The following FOXN3 variants were observed in gnomAD, a reference collection of about 807,000 sequenced individuals.
FOXN3 encodes the protein forkhead box protein N3.
Under a neutral mutation model 38.4 loss-of-function variants are expected in FOXN3, and 7 were observed. The ratio of observed to expected loss-of-function variants is 0.18; its 90% CI spans 0.10 to 0.34. The LOEUF is 0.34. Among genes scored for constraint, FOXN3 ranks in the 10% least tolerant of loss-of-function variants. FOXN3 has a pLI of 1.00. For synonymous variants in FOXN3, 230 were observed against 242.2 expected, an observed-to-expected ratio of 0.95 and a Z score of 0.47; for missense variants, 456 against 613.4, an observed-to-expected ratio of 0.74 and a Z score of 2.71.
chr14:89,212,213 G>T (rs1253735989), intron 4 of FOXN3, among the ~76,000 whole-genome samples: 1 of 152,226 alleles, frequency 6.6e-6, no homozygotes, highest in Non-Finnish European at 1.5e-5. Flanking sequence ...AGCTGGAATA[G>T]AATAAGACAT....
rs149140973 is a variant in FOXN3 at position 89,394,546 on chromosome 14, A to T, written c.543+17388T>A. ...CATGAAGTTTGGGGGACACATTCAA[A>T]CCACAGCAGGAGTTTAGTAAAGCTT... On this transcript the variant is annotated intron_variant, in intron 2 of 5. Transcript: ENST00000557258. Among the ~76,000 whole-genome samples, 479 of 152,148 alleles carry T rather than the reference A, an allele frequency of 3.1e-3. 2 individuals carry two copies. The highest frequency in any genetic ancestry group is 0.011 in the African/African-American group (465 of 41,508).
intron 4 of FOXN3, among the ~76,000 whole-genome samples, chr14:89,255,462 G>T (rs2139884704): frequency 6.6e-6 from 1 of 151,098 alleles, no homozygotes; most frequent in Non-Finnish European, 1.5e-5. Flanking sequence ...ACAGTACTAG[G>T]CTCTAGGAAT....
At chr14:89,208,661 T>C (rs1209920593) in intron 4 of FOXN3, among the ~76,000 whole-genome samples, 1 of 152,160 alleles carries the variant, frequency 6.6e-6, no homozygotes, top group Non-Finnish European at 1.5e-5. Context: ...GACTGAACTG[T>C]CTGTGGGGAA....
intron 1 of FOXN3, among the ~76,000 whole-genome samples, chr14:89,509,323 T>TTTG (rs869244085): frequency 1.2e-5 from 1 of 82,842 alleles, no homozygotes; most frequent in Non-Finnish European, 3.9e-5. Context: ...TACAGTTTTT[T>TTTG]TTGTTGTTGT....
At chr14:89,474,085 T>C (rs1893162782) in intron 1 of FOXN3, among the ~76,000 whole-genome samples, 1 of 152,246 alleles carries the variant, frequency 6.6e-6, no homozygotes, top group Non-Finnish European at 1.5e-5. Context: ...CAGACACAGA[T>C]GCTGTTTACA....
At chr14:89,534,256 C>T (rs1317122187) in intron 1 of FOXN3, among the ~76,000 whole-genome samples, 3 of 151,798 alleles carry the variant, frequency 2.0e-5, no homozygotes, top group African/African-American at 7.3e-5. Flanking sequence ...CAGGTGCGCA[C>T]CACCACACCC....
At chr14:89,169,262 A>G (rs1203621872) in intron 5 of FOXN3, among the ~76,000 whole-genome samples, 1 of 152,000 alleles carries the variant, frequency 6.6e-6, no homozygotes, top group Non-Finnish European at 1.5e-5. Flanking sequence ...GCAACATGGT[A>G]AAACCCCATC....
chr14:89,468,309 C>T (rs1893023315), intron 1 of FOXN3, among the ~76,000 whole-genome samples: 1 of 152,018 alleles, frequency 6.6e-6, no homozygotes, highest in Non-Finnish European at 1.5e-5. Context: ...CAAAAATTAG[C>T]CAGGCATGGT....
rs1887124285 is a variant in FOXN3, at chr14:89,162,308, CAAGAAAA to C, written c.*99_*105del. On this transcript the variant is annotated 3_prime_UTR_variant, in exon 6 of 6. Transcript: ENST00000557258. The surrounding 1 kb of genome is among the most constrained non-coding windows in gnomAD (Gnocchi z 7.2). ...AAAAGAAAGAAAACCAAACCAAAAA[CAAGAAAA>C]AAGAAAAAAAATTGCTGATATTGCC... 1.0e-6 allele frequency: 1 copy of C among 967,706 alleles called. No individual in the cohort carries two copies. Among genetic ancestry groups the C allele is most frequent in the Non-Finnish European group, 1.5e-6 (1 of 681,046 alleles). 59.9% of individuals were successfully genotyped at this position (967,706 alleles called of 1,614,324 possible).
At chr14:89,180,953 T>A in intron 4 of FOXN3, 147 bp from the exon 5 acceptor site, 1 of 467,320 alleles carries the variant, frequency 2.1e-6, no homozygotes, top group Admixed American at 3.7e-5. Flanking sequence ...CACGTGCACA[T>A]ACACACACAC....
intron 1 of FOXN3, among the ~76,000 whole-genome samples, chr14:89,486,121 C>T (rs1647627514): frequency 1.3e-5 from 2 of 152,296 alleles, no homozygotes; most frequent in South Asian, 4.1e-4. Flanking sequence ...CAGCCTTCTA[C>T]TTTTTCATCC....
chr14:89,202,622 G>A (rs1163452968), intron 4 of FOXN3, among the ~76,000 whole-genome samples: 1 of 152,174 alleles, frequency 6.6e-6, no homozygotes, highest in African/African-American at 2.4e-5. Flanking sequence ...GCTCAGAGCT[G>A]TCCTTGTGGT....
chr14:89,595,294 C>T (rs1896035618), intron 1 of FOXN3, among the ~76,000 whole-genome samples: 1 of 151,670 alleles, frequency 6.6e-6, no homozygotes, highest in South Asian at 2.1e-4. Flanking sequence ...CACTGCACTC[C>T]AGCCTGGGCA....
intron 1 of FOXN3, among the ~76,000 whole-genome samples, chr14:89,543,233 T>A (rs1224534653): frequency 6.6e-6 from 1 of 152,066 alleles, no homozygotes; most frequent in Non-Finnish European, 1.5e-5. Flanking sequence ...TCTTCTCTGC[T>A]CCCCCTTCAA....
intron 1 of FOXN3, among the ~76,000 whole-genome samples, chr14:89,426,274 G>T (rs962461990): frequency 1.4e-5 from 2 of 142,188 alleles, no homozygotes; most frequent in African/African-American, 5.1e-5. Flanking sequence ...ACCCAGGGTG[G>T]AGCGCAGTGG....
chr14:89,332,483 C>T (rs1888280789), intron 3 of FOXN3, among the ~76,000 whole-genome samples: 1 of 152,172 alleles, frequency 6.6e-6, no homozygotes, highest in Admixed American at 6.5e-5. Flanking sequence ...GATTCTGATG[C>T]TTCACTCCTT....
At chr14:89,390,367 T>G (rs1890910033) in intron 2 of FOXN3, among the ~76,000 whole-genome samples, 1 of 147,570 alleles carries the variant, frequency 6.8e-6, no homozygotes, top group African/African-American at 2.5e-5. Flanking sequence ...TAATATAATT[T>G]AATACATATA....
At chr14:89,551,230 A>T (rs922246002) in intron 1 of FOXN3, among the ~76,000 whole-genome samples, 8 of 152,214 alleles carry the variant, frequency 5.3e-5, no homozygotes, top group Non-Finnish European at 1.2e-4. Context: ...GTGGAGGACA[A>T]CATCCTTTAC....
intron 4 of FOXN3, among the ~76,000 whole-genome samples, chr14:89,198,221 C>T (rs1325676492): frequency 6.6e-6 from 1 of 152,214 alleles, no homozygotes; most frequent in Non-Finnish European, 1.5e-5. Flanking sequence ...TTCCCCCAAA[C>T]AATGCCATCT....
Sources: allele counts gnomAD v4.1 joint callset (sites outside exome capture counted in the v4.1 genomes callset), GRCh38; gene constraint gnomAD v4.1.1; non-coding constraint Gnocchi (gnomAD v3.1); transcripts MANE v1.5; gene names NCBI Gene and HGNC (gene_info 2026-07-23, HGNC 2026-07-21).